NALF1: variants seen among roughly 807,000 people sequenced by gnomAD.
NALF1 encodes family with sequence similarity 155 member A.
Under a neutral mutation model 48.4 loss-of-function variants are expected in NALF1, and 3 were observed. That is an observed-to-expected ratio of 0.06 (90% CI 0.03 to 0.16). The LOEUF is 0.16. Among genes scored for constraint, NALF1 ranks in the 10% least tolerant of loss-of-function variants. The pLI is 1.00. For synonymous variants in NALF1, 262 were observed against 245.7 expected (o/e 1.07, Z -0.62); for missense variants, 526 against 571.5 (o/e 0.92, Z 0.81).
At chr13:107,213,230 C>CAAAAAAAAAAAAAAAAAAAAAAAAAAAAA (rs386380636) in intron 1 of NALF1, among the ~76,000 whole-genome samples, 5 of 103,384 alleles carry the variant, frequency 4.8e-5, no homozygotes, top group African/African-American at 1.1e-4. Flanking sequence ...TTTTTTAACT[C>CAAAAAAAAAAAAAAAAAAAAAAAAAAAAA]AAAAAAAAAA....
intron 1 of NALF1, among the ~76,000 whole-genome samples, chr13:107,817,790 G>A (rs986260143): frequency 6.6e-6 from 1 of 152,056 alleles, no homozygotes; most frequent in Non-Finnish European, 1.5e-5. Flanking sequence ...CCTCCAAAGG[G>A]CCCTCTCTTT....
Position 107,164,372 on chromosome 13 carries a change from G to T in NALF1, c.*6125C>A, listed in dbSNP as rs1411771136. On this transcript the variant is annotated 3_prime_UTR_variant, in exon 3 of 3. Transcript: ENST00000375915. Reference sequence around the variant, plus strand: ...GTTATTTCATTCTATAATAATTATAGTGTTAATTAAAATATATATTAATTC... The same window carrying T: ...GTTATTTCATTCTATAATAATTATATTGTTAATTAAAATATATATTAATTC... 2 of 151,808 alleles carry T rather than the reference G, an allele frequency of 1.3e-5. No individual in the cohort carries two copies. Among genetic ancestry groups the T allele is most frequent in the African/African-American group, 4.8e-5 (2 of 41,336 alleles). 9.4% of individuals were successfully genotyped at this position (151,808 alleles called of 1,614,324 possible). A position where few individuals can be genotyped will look rare whatever the true frequency, so the allele number is the denominator to read the frequency against.
intron 1 of NALF1, among the ~76,000 whole-genome samples, chr13:107,417,000 G>A (rs182258919): frequency 1.3e-5 from 2 of 152,294 alleles, no homozygotes; most frequent in East Asian, 3.9e-4. Context: ...TGATGCTCAC[G>A]GTGGCACCTT....
At chr13:107,653,491 T>C (rs1880498154) in intron 1 of NALF1, among the ~76,000 whole-genome samples, 1 of 152,086 alleles carries the variant, frequency 6.6e-6, no homozygotes, top group Non-Finnish European at 1.5e-5. Flanking sequence ...GTATTTTTTT[T>C]TTTATTATAA....
intron 1 of NALF1, among the ~76,000 whole-genome samples, chr13:107,478,608 A>G (rs1433114748): frequency 6.6e-6 from 1 of 152,096 alleles, no homozygotes; most frequent in African/African-American, 2.4e-5. Flanking sequence ...CAAAGTGGAC[A>G]TAGAACTTAC....
At chr13:107,483,385 T>G (rs1885283100) in intron 1 of NALF1, among the ~76,000 whole-genome samples, 1 of 152,176 alleles carries the variant, frequency 6.6e-6, no homozygotes, top group Non-Finnish European at 1.5e-5. Context: ...TCTTTTGTAG[T>G]CTCAAAATTG....
intron 1 of NALF1, among the ~76,000 whole-genome samples, chr13:107,607,978 C>T (rs910661366): frequency 2.0e-5 from 3 of 152,188 alleles, no homozygotes; most frequent in South Asian, 2.1e-4. Context: ...TGCTGGACTA[C>T]AAGCACCTCT....
chr13:107,717,653 G>A (rs1185165407), intron 1 of NALF1, among the ~76,000 whole-genome samples: 1 of 151,732 alleles, frequency 6.6e-6, no homozygotes, highest in Non-Finnish European at 1.5e-5. Context: ...CACAGAAAAA[G>A]ACTAATTTTC....
chr13:107,378,438 T>C (rs1395053301), intron 1 of NALF1, among the ~76,000 whole-genome samples: 2 of 152,094 alleles, frequency 1.3e-5, no homozygotes, highest in Non-Finnish European at 2.9e-5. Flanking sequence ...ATAAATGATA[T>C]TGGTAATACA....
At chr13:107,292,697 C>T (rs2138884060) in intron 1 of NALF1, among the ~76,000 whole-genome samples, 1 of 152,180 alleles carries the variant, frequency 6.6e-6, no homozygotes, top group South Asian at 2.1e-4. Flanking sequence ...TATTGATGAA[C>T]CTGCCTGAGG....
chr13:107,657,500 C>G (rs1880614302), intron 1 of NALF1, among the ~76,000 whole-genome samples: 1 of 152,094 alleles, frequency 6.6e-6, no homozygotes, highest in African/African-American at 2.4e-5. Context: ...GGGGAACAAA[C>G]AGCCTGATCA....
intron 1 of NALF1, among the ~76,000 whole-genome samples, chr13:107,279,143 G>A (rs961599195): frequency 7.2e-6 from 1 of 138,148 alleles, no homozygotes; most frequent in African/African-American, 2.7e-5. Context: ...GTCTTAATTT[G>A]AGCTCTAATT....
intron 1 of NALF1, among the ~76,000 whole-genome samples, chr13:107,258,644 T>C (rs1395955866): frequency 6.6e-6 from 1 of 152,178 alleles, no homozygotes; most frequent in Non-Finnish European, 1.5e-5. Context: ...GAAGCCAATA[T>C]GCTGCAGTGA....
At chr13:107,342,465 C>T (rs2138936158) in intron 1 of NALF1, among the ~76,000 whole-genome samples, 1 of 152,180 alleles carries the variant, frequency 6.6e-6, no homozygotes, top group Non-Finnish European at 1.5e-5. Context: ...TCCTTATTTC[C>T]ACAGCAATAT....
Position 107,341,307 on chromosome 13 carries a change from G to T in NALF1, c.916-130552C>A, listed in dbSNP as rs540522301. On this transcript the variant is annotated intron_variant, in intron 1 of 2. Coordinates refer to ENST00000375915, the MANE Select transcript of NALF1 (RefSeq NM_001080396.3). ...TATGTTTGAAAACATAGAATGCAAT[G>T]GAGAGGCACAATAAGCACAGTTAGC... Among the ~76,000 whole-genome samples the T allele has an allele frequency of 1.1e-4, 16 of 152,154 alleles. No individual in the cohort carries two copies. The South Asian group carries it at 3.3e-3, about 32-fold the overall frequency.
At chr13:107,671,569 TACACAA>T (rs1207771694) in intron 1 of NALF1, among the ~76,000 whole-genome samples, 1 of 152,066 alleles carries the variant, frequency 6.6e-6, no homozygotes, top group Non-Finnish European at 1.5e-5. Flanking sequence ...TAGAAACAAC[TACACAA>T]AAGACTGATG....
chr13:107,465,312 A>ATT (rs1012606023), intron 1 of NALF1, among the ~76,000 whole-genome samples: 1 of 55,288 alleles, frequency 1.8e-5, no homozygotes, highest in African/African-American at 8.1e-5. Context: ...AAACTGTATA[A>ATT]TTATATATAT....
intron 1 of NALF1, among the ~76,000 whole-genome samples, chr13:107,726,423 A>G (rs1314455595): frequency 6.6e-6 from 1 of 152,088 alleles, no homozygotes; most frequent in Non-Finnish European, 1.5e-5. Context: ...CCAAATAAAA[A>G]ATTCCTTTTA....
At chr13:107,429,795 A>G (rs921181780) in intron 1 of NALF1, among the ~76,000 whole-genome samples, 1 of 152,220 alleles carries the variant, frequency 6.6e-6, no homozygotes, top group Non-Finnish European at 1.5e-5. Context: ...GATAAATGCA[A>G]AGATCTGAAA....
Sources: gnomAD v4.1 joint callset for allele counts (sites outside exome capture counted in the v4.1 genomes callset) on GRCh38, gnomAD v4.1.1 for gene constraint, MANE v1.5 for transcripts, NCBI Gene and HGNC (gene_info 2026-07-23, HGNC 2026-07-21) for gene names.